DIS3L2: variants seen among roughly 807,000 people sequenced by gnomAD.
DIS3L2 encodes the protein DIS3-like exonuclease 2.
A neutral mutation model predicts 97.5 loss-of-function variants in DIS3L2; 34 were observed. The ratio of observed to expected loss-of-function variants is 0.35; its 90% CI spans 0.27 to 0.46. DIS3L2 has a LOEUF of 0.46. Among genes scored for constraint, DIS3L2 ranks in the 20% least tolerant of loss-of-function variants. The probability of loss-of-function intolerance (pLI) is 1.00; values close to 1 mark genes in which losing one functional copy is unlikely to be tolerated. For synonymous variants in DIS3L2, 435 were observed against 445.2 expected (o/e 0.98, Z 0.29); for missense variants, 1,038 against 1,146.0 (o/e 0.91, Z 1.36).
rs2106349981 is a variant in DIS3L2 at position 232,130,602 on chromosome 2, TTA to T, written c.602-15_602-14del. ...CTGGTTGATGACTCCTCTTCTCTCT[TTA>T]TCTTTTTAATGTAGGAAGAGAGGAT... On this transcript the variant is annotated splice_polypyrimidine_tract_variant and intron_variant, in intron 6 of 20. Transcript: ENST00000325385. 1.9e-6 allele frequency: 3 copies of T among 1,603,620 alleles called. No homozygotes were observed. The highest frequency in any genetic ancestry group is 2.6e-6 in the Non-Finnish European group (3 of 1,175,970).
intron 11 of DIS3L2, among the ~76,000 whole-genome samples, chr2:232,245,495 A>G (rs549662078): frequency 6.6e-6 from 1 of 152,330 alleles, no homozygotes; most frequent in South Asian, 2.1e-4. Context: ...CACAAATGTG[A>G]TTGTAACCTC....
intron 5 of DIS3L2, among the ~76,000 whole-genome samples, chr2:232,035,131 C>CT (rs566931070): frequency 3.2e-4 from 49 of 152,300 alleles, no homozygotes; most frequent in Middle Eastern, 6.8e-3. Flanking sequence ...GTGTGGGAGT[C>CT]TAAGTCTCTT....
At chr2:232,329,785 T>TGCCGGGGCG in intron 14 of DIS3L2, 28 bp from the exon 15 acceptor site, 2 of 967,144 alleles carry the variant, frequency 2.1e-6, no homozygotes, top group Non-Finnish European at 1.5e-6. Context: ...ACCCCAGCGG[T>TGCCGGGGCG]CCCTCCCATC....
intron 13 of DIS3L2, among the ~76,000 whole-genome samples, chr2:232,265,516 G>A (rs1693831549): frequency 1.3e-5 from 2 of 152,222 alleles, no homozygotes; most frequent in Non-Finnish European, 2.9e-5. Flanking sequence ...CGGCTGTCTA[G>A]TACTGCCTTC....
At chr2:232,003,615 G>A (rs1310116209) in intron 1 of DIS3L2, among the ~76,000 whole-genome samples, 5 of 152,068 alleles carry the variant, frequency 3.3e-5, no homozygotes, top group East Asian at 1.9e-4. Flanking sequence ...TCAGTATGGC[G>A]TTTCTTGTAG....
intron 3 of DIS3L2, chr2:232,022,927 A>G (rs1370847204): frequency 1.3e-5 from 2 of 152,208 alleles, no homozygotes; most frequent in African/African-American, 2.4e-5. Context: ...TGCCAACCTT[A>G]TCTCCTGGTC....
At chr2:231,963,053 A>G (rs892432748) in intron 1 of DIS3L2, among the ~76,000 whole-genome samples, 49 of 151,922 alleles carry the variant, frequency 3.2e-4, no homozygotes, top group Non-Finnish European at 8.8e-5. Flanking sequence ...ACAACTGCAT[A>G]TGTCTTTTTG....
chr2:232,112,625 C>G (rs542449727), intron 6 of DIS3L2, among the ~76,000 whole-genome samples: 2 of 152,224 alleles, frequency 1.3e-5, no homozygotes, highest in East Asian at 1.9e-4. Flanking sequence ...GCCAGTGATC[C>G]ACTAGATATT....
chr2:232,060,713 G>C (rs1234763414), intron 5 of DIS3L2, among the ~76,000 whole-genome samples: 1 of 152,018 alleles, frequency 6.6e-6, no homozygotes, highest in Non-Finnish European at 1.5e-5. Context: ...TATTTTGTTA[G>C]GTATTGCATT....
intron 17 of DIS3L2, 41 bp from the exon 18 acceptor site, chr2:232,334,328 C>A: frequency 6.2e-7 from 1 of 1,604,632 alleles, no homozygotes; most frequent in Non-Finnish European, 8.5e-7. Flanking sequence ...TCTTCCCAGC[C>A]CCCCAGGCTC....
At chr2:232,296,148 C>T (rs1453238614) in intron 13 of DIS3L2, among the ~76,000 whole-genome samples, 1 of 152,196 alleles carries the variant, frequency 6.6e-6, no homozygotes, top group Non-Finnish European at 1.5e-5. Context: ...GTTTTTCTTC[C>T]TTGTCAGGGT....
intron 12 of DIS3L2, among the ~76,000 whole-genome samples, chr2:232,258,090 A>T (rs1693613959): frequency 6.6e-6 from 1 of 152,162 alleles, no homozygotes; most frequent in African/African-American, 2.4e-5. Context: ...TTCCGGTCTT[A>T]CTTAGTACAG....
intron 13 of DIS3L2, among the ~76,000 whole-genome samples, chr2:232,274,130 G>A (rs1694079090): frequency 6.6e-6 from 1 of 152,122 alleles, no homozygotes; most frequent in East Asian, 1.9e-4. Context: ...GTGAGACATA[G>A]GGTTCCTGCA....
At chr2:232,142,184 C>T (rs1052277949) in intron 8 of DIS3L2, among the ~76,000 whole-genome samples, 14 of 152,062 alleles carry the variant, frequency 9.2e-5, no homozygotes, top group Non-Finnish European at 1.5e-4. Context: ...TGGACCTGGC[C>T]GGCTAGGAGG....
chr2:232,066,997 A>G (rs1695872004), intron 5 of DIS3L2, among the ~76,000 whole-genome samples: 2 of 151,968 alleles, frequency 1.3e-5, no homozygotes, highest in South Asian at 4.2e-4. Context: ...TAATTTCTGA[A>G]ATATTATTGG....
chr2:232,121,212 T>A (rs558281584), intron 6 of DIS3L2, among the ~76,000 whole-genome samples: 1 of 152,294 alleles, frequency 6.6e-6, no homozygotes, highest in Admixed American at 6.5e-5. Flanking sequence ...CCTGTGACCT[T>A]GTCACTAAGG....
chr2:232,329,841 A>AAC lies in DIS3L2; in HGVS notation c.1770_1771dup (p.Met591ThrfsTer55). 1 of 1,302,700 alleles carries AAC rather than the reference A, an allele frequency of 7.7e-7. No homozygotes were observed. 80.7% of individuals were successfully genotyped at this position (1,302,700 alleles called of 1,614,324 possible). On this transcript the variant is annotated frameshift_variant, in exon 15 of 21. Transcript: ENST00000325385. LOFTEE classifies it high-confidence loss of function. ...CGTGGAGGAGTTCATGCTCTTGGCC[A>AAC]ACATGGCAGTGGCCCACAAGATCCA... is the stretch of plus-strand genomic sequence containing the variant.
chr2:232,278,446 C>CGA (rs1329234069), intron 13 of DIS3L2, among the ~76,000 whole-genome samples: 1 of 152,152 alleles, frequency 6.6e-6, no homozygotes, highest in Non-Finnish European at 1.5e-5. Context: ...AGAAAATTCC[C>CGA]ACGTGCCCCT....
Position 232,329,736 on chromosome 2 carries a change from C to T in DIS3L2, c.1740-77C>T, listed in dbSNP as rs148811774. On this transcript the variant is annotated intron_variant, in intron 14 of 20. Transcript: ENST00000325385. ...GAAGGGTGATTGATAGAGAGCCAGG[C>T]CGGCTGCAGCGTGGGAAAGCCTGCG... 0.016 allele frequency: 21,404 copies of T among 1,361,958 alleles called. 259 individuals carry two copies. The highest frequency in any genetic ancestry group is 0.018 in the Non-Finnish European group (18,343 of 1,026,446). 84.4% of individuals were successfully genotyped at this position (1,361,958 alleles called of 1,614,324 possible). A position where few individuals can be genotyped will look rare whatever the true frequency, so the allele number is the denominator to read the frequency against.
Sources: gnomAD v4.1 joint callset for allele counts (sites outside exome capture counted in the v4.1 genomes callset) on GRCh38, gnomAD v4.1.1 for gene constraint, MANE v1.5 for transcripts, NCBI Gene and HGNC (gene_info 2026-07-23, HGNC 2026-07-21) for gene names.